The following PPM1L variants were observed in gnomAD, a reference collection of about 807,000 sequenced individuals.
The protein encoded by PPM1L is protein phosphatase 1L.
In PPM1L, 13 loss-of-function variants were observed where a neutral mutation model predicts 31.4. That is an observed-to-expected ratio of 0.41 (90% CI 0.27 to 0.66). PPM1L has a LOEUF of 0.66. Ranked by LOEUF, PPM1L falls within the 30% of genes least tolerant of loss-of-function variation. The pLI is 0.29. For missense variants in PPM1L, 326 were observed against 453.7 expected (o/e 0.72, Z 2.56); for synonymous variants, 184 against 175.4 (o/e 1.05, Z -0.39).
At chr3:160,868,569 A>G (rs1379511710) in intron 1 of PPM1L, among the ~76,000 whole-genome samples, 1 of 152,230 alleles carries the variant, frequency 6.6e-6, no homozygotes, top group Non-Finnish European at 1.5e-5. Flanking sequence ...ATGTATTTCA[A>G]TAAAAGTTTG....
chr3:160,842,711 C>T (rs1201790626), intron 1 of PPM1L, among the ~76,000 whole-genome samples: 1 of 152,120 alleles, frequency 6.6e-6, no homozygotes, highest in Non-Finnish European at 1.5e-5. Context: ...TCAAATTTGA[C>T]CTTCCTTACT....
intron 2 of PPM1L, among the ~76,000 whole-genome samples, chr3:161,044,264 T>G (rs1718991928): frequency 6.6e-6 from 1 of 152,074 alleles, no homozygotes; most frequent in African/African-American, 2.4e-5. Context: ...GGTCTTGAAC[T>G]CCTGACCTCA....
At chr3:161,039,329 C>T (rs1718840433) in intron 2 of PPM1L, among the ~76,000 whole-genome samples, 1 of 152,104 alleles carries the variant, frequency 6.6e-6, no homozygotes, top group African/African-American at 2.4e-5. Context: ...AAGAATGAGA[C>T]AATTCTGAGG....
At chr3:160,897,746 C>A (rs1713390753) in intron 1 of PPM1L, among the ~76,000 whole-genome samples, 1 of 152,190 alleles carries the variant, frequency 6.6e-6, no homozygotes, top group Non-Finnish European at 1.5e-5. Flanking sequence ...GATAGACTGC[C>A]AGCTGGATGC....
rs150307783 is a variant in PPM1L, at chr3:160,814,678, T to C, written c.399+57971T>C. On this transcript the variant is annotated intron_variant, in intron 1 of 3. Transcript: ENST00000498165. ...ATACACACACGGTATATACCATATATATGGTATATACCATACGTATATGTG... is the reference window on the plus strand; with the variant it reads ...ATACACACACGGTATATACCATATACATGGTATATACCATACGTATATGTG... 2.3e-3 allele frequency among the ~76,000 whole-genome samples: 345 copies of C among 149,296 alleles called. 4 individuals carry two copies. The East Asian group carries it at 0.041, about 18-fold the overall frequency.
At chr3:160,977,292 C>T (rs1201739863) in intron 2 of PPM1L, among the ~76,000 whole-genome samples, 1 of 152,070 alleles carries the variant, frequency 6.6e-6, no homozygotes, top group African/African-American at 2.4e-5. Context: ...CTCTTTAGTT[C>T]TTTAATCAAT....
chr3:161,014,868 G>A (rs1576784511), intron 2 of PPM1L, among the ~76,000 whole-genome samples: 1 of 152,128 alleles, frequency 6.6e-6, no homozygotes, highest in Non-Finnish European at 1.5e-5. Flanking sequence ...GGGATGGGGG[G>A]AGTCATATTG....
At chr3:160,813,229 G>C (rs1270700664) in intron 1 of PPM1L, among the ~76,000 whole-genome samples, 1 of 152,034 alleles carries the variant, frequency 6.6e-6, no homozygotes, top group Non-Finnish European at 1.5e-5. Context: ...GAGGCAATTA[G>C]CTTTTAATAT....
intron 1 of PPM1L, among the ~76,000 whole-genome samples, chr3:160,837,646 T>C (rs1231026292): frequency 1.3e-5 from 2 of 152,174 alleles, no homozygotes; most frequent in Non-Finnish European, 2.9e-5. Flanking sequence ...ATGCTTGTCC[T>C]TGTTGCAAGA....
intron 1 of PPM1L, among the ~76,000 whole-genome samples, chr3:160,910,295 CG>C (rs1174594253): frequency 1.1e-5 from 1 of 93,430 alleles, no homozygotes; most frequent in Non-Finnish European, 2.0e-5. Flanking sequence ...TCCCCTTCCC[CG>C]TTCCCTTCCC....
At chr3:160,923,253 G>A (rs1466846185) in intron 1 of PPM1L, among the ~76,000 whole-genome samples, 1 of 152,056 alleles carries the variant, frequency 6.6e-6, no homozygotes, top group African/African-American at 2.4e-5. Context: ...TGAGACTTTG[G>A]GCAGCTCCTG....
intron 1 of PPM1L, among the ~76,000 whole-genome samples, chr3:160,804,945 GA>G (rs1463794578): frequency 8.5e-5 from 13 of 152,208 alleles, no homozygotes; most frequent in Non-Finnish European, 1.2e-4. Flanking sequence ...CCTTGGGGAG[GA>G]GTTTGAGGTG....
intron 1 of PPM1L, among the ~76,000 whole-genome samples, chr3:160,801,812 T>A (rs552830123): frequency 7.0e-4 from 106 of 152,220 alleles, no homozygotes; most frequent in Non-Finnish European, 1.1e-3. Flanking sequence ...GGTTTGGGGT[T>A]TATATTATCT....
chr3:161,013,734 A>G (rs180720652), intron 2 of PPM1L, among the ~76,000 whole-genome samples: 3 of 152,288 alleles, frequency 2.0e-5, no homozygotes, highest in African/African-American at 7.2e-5. Flanking sequence ...TATATTTAGG[A>G]TAGTTCGGTC....
intron 1 of PPM1L, among the ~76,000 whole-genome samples, chr3:160,958,457 C>T (rs1027869841): frequency 2.0e-5 from 3 of 152,086 alleles, no homozygotes; most frequent in Admixed American, 6.6e-5. Flanking sequence ...GGAACTATTT[C>T]CTGTACCTCA....
At chr3:161,049,303 A>C (rs1054892598) in intron 2 of PPM1L, among the ~76,000 whole-genome samples, 15 of 151,660 alleles carry the variant, frequency 9.9e-5, no homozygotes, top group African/African-American at 3.6e-4. Context: ...CCAAAACAAA[A>C]CAAAACAAAA....
chr3:160,840,574 C>T (rs149952881), intron 1 of PPM1L, among the ~76,000 whole-genome samples: 23 of 152,186 alleles, frequency 1.5e-4, no homozygotes, highest in African/African-American at 5.3e-4. Context: ...AGTCCAAAGG[C>T]CTGAGAACCA....
chr3:161,024,471 G>A (rs1443373341), intron 2 of PPM1L, among the ~76,000 whole-genome samples: 5 of 152,052 alleles, frequency 3.3e-5, no homozygotes, highest in African/African-American at 1.2e-4. Flanking sequence ...GGCGGAGGCG[G>A]GCAGATCACC....
chr3:160,869,501 G>C (rs1712222818), intron 1 of PPM1L, among the ~76,000 whole-genome samples: 1 of 151,364 alleles, frequency 6.6e-6, no homozygotes. Context: ...GCATAAGGTT[G>C]TAAATTTTTT....
Sources: allele counts gnomAD v4.1 joint callset (sites outside exome capture counted in the v4.1 genomes callset), GRCh38; gene constraint gnomAD v4.1.1; transcripts MANE v1.5; gene names NCBI Gene and HGNC (gene_info 2026-07-23, HGNC 2026-07-21).